Variants in MTHFD1L observed in about 807,000 individuals in gnomAD.
The protein encoded by MTHFD1L is monofunctional C1-tetrahydrofolate synthase, mitochondrial.
In MTHFD1L, 81 loss-of-function variants were observed where a neutral mutation model predicts 119.5. That is an observed-to-expected ratio of 0.68 (90% CI 0.57 to 0.82). The LOEUF (loss-of-function observed/expected upper bound fraction) is 0.82, where lower values mean the gene tolerates loss of function less well. Among genes scored for constraint, MTHFD1L ranks in the 40% least tolerant of loss-of-function variants. The pLI is 0.00. For missense variants in MTHFD1L, 1,125 were observed against 1,253.4 expected (o/e 0.90, Z 1.55); for synonymous variants, 430 against 475.2 (o/e 0.90, Z 1.24).
intron 27 of MTHFD1L, among the ~76,000 whole-genome samples, chr6:151,100,228 G>GAATGAA (rs1401690030): frequency 6.6e-6 from 1 of 151,854 alleles, no homozygotes; most frequent in Non-Finnish European, 1.5e-5. Flanking sequence ...AATAGACACG[G>GAATGAA]GGTTTCACCG....
intron 26 of MTHFD1L, among the ~76,000 whole-genome samples, chr6:151,070,735 G>A (rs1471077538): frequency 6.6e-6 from 1 of 152,228 alleles, no homozygotes; most frequent in African/African-American, 2.4e-5. Flanking sequence ...GATTTGCTGT[G>A]TGGGTCTTAG....
intron 2 of MTHFD1L, among the ~76,000 whole-genome samples, chr6:150,877,358 C>T (rs545802547): frequency 3.3e-4 from 51 of 152,264 alleles, no homozygotes; most frequent in African/African-American, 1.2e-3. Context: ...AGTCGGTGTC[C>T]TCATTTTTAG....
intron 26 of MTHFD1L, among the ~76,000 whole-genome samples, chr6:151,050,678 C>G (rs554194845): frequency 2.0e-4 from 30 of 152,034 alleles, no homozygotes; most frequent in Non-Finnish European, 3.7e-4. Context: ...TAGACAGGGT[C>G]GGAACTGAAC....
At chr6:150,908,326 A>T (rs1786283336) in intron 8 of MTHFD1L, among the ~76,000 whole-genome samples, 1 of 151,772 alleles carries the variant, frequency 6.6e-6, no homozygotes, top group South Asian at 2.1e-4. Flanking sequence ...TCTCCCACTT[A>T]AAGATGGGGC....
chr6:150,892,072 T>G (rs971379536), intron 7 of MTHFD1L, among the ~76,000 whole-genome samples: 1 of 152,196 alleles, frequency 6.6e-6, no homozygotes, highest in Non-Finnish European at 1.5e-5. Flanking sequence ...CTGTGTGCGT[T>G]TTTAGCAGTC....
Position 150,938,759 on chromosome 6 carries a change from G to A in MTHFD1L, c.1440+14G>A. On this transcript the variant is annotated intron_variant, in intron 13 of 27. Coordinates refer to ENST00000367321, the MANE Select transcript of MTHFD1L (RefSeq NM_015440.5). ...CCCATGGAGGAGGTAAGACCTTGAA[G>A]AGATGCGGGTCAGCTATCACTGTGT... 6.2e-7 allele frequency: 1 copy of A among 1,602,266 alleles called. No individual in the cohort carries two copies. Among genetic ancestry groups the A allele is most frequent in the Non-Finnish European group, 8.5e-7 (1 of 1,174,436 alleles).
chr6:150,905,169 G>C (rs9397364), intron 7 of MTHFD1L, among the ~76,000 whole-genome samples: 1 of 150,710 alleles, frequency 6.6e-6, no homozygotes, highest in African/African-American at 2.4e-5. Context: ...GAGTAGCTGA[G>C]ATTACAGGCC....
At chr6:151,056,079 T>A (rs1438834439) in intron 26 of MTHFD1L, 1 of 152,264 alleles carries the variant, frequency 6.6e-6, no homozygotes, top group African/African-American at 2.4e-5. Flanking sequence ...GAGATTTTCC[T>A]ACAGCTTTTC....
chr6:151,057,589 G>A (rs973658921), intron 26 of MTHFD1L, among the ~76,000 whole-genome samples: 35 of 152,010 alleles, frequency 2.3e-4, no homozygotes, highest in South Asian at 8.3e-4. Context: ...CTGTGATTGC[G>A]CCACTGCACT....
intron 11 of MTHFD1L, among the ~76,000 whole-genome samples, chr6:150,932,303 G>A (rs929358148): frequency 1.3e-5 from 2 of 152,018 alleles, no homozygotes; most frequent in Non-Finnish European, 1.5e-5. Context: ...CCTGGTAGGC[G>A]AGACAGGCAT....
chr6:151,094,281 A>G (rs373546593), intron 27 of MTHFD1L, among the ~76,000 whole-genome samples: 2 of 152,060 alleles, frequency 1.3e-5, no homozygotes, highest in African/African-American at 4.8e-5. Context: ...TTCTTCAACC[A>G]TCTCTGAGTT....
chr6:151,087,592 G>A (rs1793942515), intron 26 of MTHFD1L, among the ~76,000 whole-genome samples: 1 of 152,142 alleles, frequency 6.6e-6, no homozygotes, highest in South Asian at 2.1e-4. Flanking sequence ...TAAGTACAAC[G>A]ATATTTTGGT....
At chr6:150,993,187 T>A (rs932910524) in intron 20 of MTHFD1L, among the ~76,000 whole-genome samples, 1 of 152,200 alleles carries the variant, frequency 6.6e-6, no homozygotes, top group African/African-American at 2.4e-5. Context: ...AGGCAACAAT[T>A]TCATGATATA....
chr6:150,877,053 A>G (rs1187974071), intron 2 of MTHFD1L, among the ~76,000 whole-genome samples: 3 of 151,904 alleles, frequency 2.0e-5, no homozygotes, highest in Non-Finnish European at 2.9e-5. Flanking sequence ...TGGTATCCCC[A>G]TTTTTTGGCT....
chr6:151,074,935 C>G lies in MTHFD1L; in HGVS notation c.2848-17532C>G, dbSNP rs138393623. On this transcript the variant is annotated intron_variant, in intron 26 of 27. Transcript: ENST00000367321. The stretch of plus-strand genomic sequence containing the variant: ...CGTCTTTAAGCAACACAGGACTGTG[C>G]TGTAAATGCAAGGTAACCATTTCAG... Among the ~76,000 whole-genome samples, 87 of 152,222 alleles carry G rather than the reference C, an allele frequency of 5.7e-4. 1 individual carries two copies. Among genetic ancestry groups the G allele is most frequent in the African/African-American group, 1.8e-3 (76 of 41,548 alleles).
intron 27 of MTHFD1L, among the ~76,000 whole-genome samples, chr6:151,096,742 C>T (rs565125266): frequency 2.5e-4 from 38 of 152,318 alleles, no homozygotes; most frequent in African/African-American, 8.7e-4. Flanking sequence ...GTGTTGAAGG[C>T]GCGTTCCACT....
At chr6:150,938,598 G>T (rs575973507) in intron 12 of MTHFD1L, 101 bp from the exon 13 acceptor site, 222 of 1,202,934 alleles carry the variant, frequency 1.8e-4, no homozygotes, top group Non-Finnish European at 3.4e-5. Context: ...TGGGTGTGAC[G>T]CCTCTCTGTT....
chr6:150,981,369 G>A (rs1237577328), intron 20 of MTHFD1L, among the ~76,000 whole-genome samples: 2 of 152,286 alleles, frequency 1.3e-5, no homozygotes, highest in East Asian at 3.9e-4. Flanking sequence ...AGTGTCCAAC[G>A]GATGTCCTGT....
At chr6:150,970,824 G>A (rs119019) in intron 19 of MTHFD1L, among the ~76,000 whole-genome samples, 76,274 of 152,004 alleles carry the variant, frequency 0.5, 20,310 homozygotes, top group African/African-American at 0.65. Context: ...GTGTTTGGAA[G>A]TCTAACAATG....
Sources: gnomAD v4.1 joint callset for allele counts (sites outside exome capture counted in the v4.1 genomes callset) on GRCh38, gnomAD v4.1.1 for gene constraint, MANE v1.5 for transcripts, NCBI Gene and HGNC (gene_info 2026-07-23, HGNC 2026-07-21) for gene names.